The following CALN1 variants were observed in gnomAD, a reference collection of about 807,000 sequenced individuals.
CALN1 encodes calcium-binding protein 8.
Under a neutral mutation model 30.6 loss-of-function variants are expected in CALN1, and 17 were observed. The ratio of observed to expected loss-of-function variants is 0.56; its 90% CI spans 0.38 to 0.83. The LOEUF is 0.83. Among genes scored for constraint, CALN1 ranks in the 40% least tolerant of loss-of-function variants. The pLI is 0.00. For missense variants in CALN1, 291 were observed against 354.9 expected, an observed-to-expected ratio of 0.82 and a Z score of 1.45; for synonymous variants, 156 against 131.4, an observed-to-expected ratio of 1.19 and a Z score of -1.28.
the CALN1 span, among the ~76,000 whole-genome samples, chr7:72,463,112 T>A: frequency 6.8e-6 from 1 of 146,972 alleles, no homozygotes; most frequent in African/African-American, 2.7e-5. Context: ...ATGCTTTGCA[T>A]TTTTATTTAT....
intron 3 of CALN1, among the ~76,000 whole-genome samples, chr7:72,173,820 C>T (rs144682932): frequency 3.3e-4 from 50 of 151,630 alleles, no homozygotes; most frequent in African/African-American, 1.2e-3. Context: ...AATAGAAAAA[C>T]AAAAACTATA....
chr7:72,324,210 C>A (rs1040004855), intron 2 of CALN1, among the ~76,000 whole-genome samples: 3 of 151,930 alleles, frequency 2.0e-5, no homozygotes, highest in Non-Finnish European at 4.4e-5. Flanking sequence ...TTTAAGCCTC[C>A]CCAGAGAATT....
intron 4 of CALN1, among the ~76,000 whole-genome samples, chr7:72,057,280 G>T (rs765578091): frequency 6.6e-5 from 10 of 151,864 alleles, no homozygotes; most frequent in Non-Finnish European, 1.5e-4. Context: ...TACACAGTTT[G>T]CTGAGTCTTC....
intron 2 of CALN1, among the ~76,000 whole-genome samples, chr7:72,322,809 C>T (rs943033229): frequency 2.0e-5 from 3 of 151,856 alleles, no homozygotes; most frequent in African/African-American, 7.3e-5. Context: ...AATTTAAAAT[C>T]CCTTGTTCAT....
intron 2 of CALN1, among the ~76,000 whole-genome samples, chr7:72,296,019 T>G (rs1798829677): frequency 6.6e-6 from 1 of 152,086 alleles, no homozygotes; most frequent in Admixed American, 6.5e-5. Flanking sequence ...ATAGCTGTTA[T>G]TATTTTGAAA....
At chr7:72,075,672 G>C (rs1329150714) in intron 4 of CALN1, among the ~76,000 whole-genome samples, 4 of 152,172 alleles carry the variant, frequency 2.6e-5, no homozygotes, top group Admixed American at 6.5e-5. Context: ...CCCTGGCCCT[G>C]CTCAGCTCCA....
chr7:72,410,214 G>C (rs900168888), intron 1 of CALN1, among the ~76,000 whole-genome samples: 1 of 152,144 alleles, frequency 6.6e-6, no homozygotes. Context: ...TCTTAAATAT[G>C]TAAGAGAGGT....
intron 2 of CALN1, among the ~76,000 whole-genome samples, chr7:72,361,766 C>T (rs1240631327): frequency 6.6e-6 from 1 of 152,100 alleles, no homozygotes; most frequent in East Asian, 1.9e-4. Context: ...CTTGATCTTT[C>T]AGAGCAAAGG....
intron 2 of CALN1, among the ~76,000 whole-genome samples, chr7:72,296,741 A>C (rs1798892859): frequency 6.7e-6 from 1 of 148,252 alleles, no homozygotes; most frequent in African/African-American, 2.5e-5. Context: ...TGTCTATTTG[A>C]TTCTTCTCTC....
intron 2 of CALN1, chr7:72,337,018 G>C: frequency 2.0e-6 from 2 of 985,552 alleles, no homozygotes; most frequent in Non-Finnish European, 1.2e-6. Context: ...CTGGGGACGT[G>C]TGCCCCGCAC....
At chr7:71,925,900 C>CTGGA (rs1370434638) in intron 5 of CALN1, among the ~76,000 whole-genome samples, 2 of 152,100 alleles carry the variant, frequency 1.3e-5, no homozygotes, top group Non-Finnish European at 2.9e-5. Flanking sequence ...GCGGCCCAGG[C>CTGGA]TGGAGTGCAG....
intron 2 of CALN1, among the ~76,000 whole-genome samples, chr7:72,285,008 G>T (rs559899054): frequency 3.3e-5 from 5 of 152,062 alleles, no homozygotes; most frequent in Non-Finnish European, 1.5e-5. Flanking sequence ...GCAAAGCCCT[G>T]TGTGTTCTGC....
chr7:72,405,783 T>C (rs1458135956), intron 1 of CALN1, among the ~76,000 whole-genome samples: 1 of 152,204 alleles, frequency 6.6e-6, no homozygotes, highest in East Asian at 1.9e-4. Context: ...CCCAGCACCA[T>C]GGAAGTTGTG....
intron 3 of CALN1, among the ~76,000 whole-genome samples, chr7:72,245,708 A>C (rs1795117541): frequency 6.6e-6 from 1 of 152,198 alleles, no homozygotes; most frequent in Non-Finnish European, 1.5e-5. Context: ...CCCAGACATC[A>C]CACCATTGGC....
Position 72,181,124 on chromosome 7 carries a change from A to ATT in CALN1, c.245-74832_245-74831dup, listed in dbSNP as rs34674449. Reference sequence around the variant, plus strand: ...CCCCCCCCCCCCAAAAAAAAAAAAAATTTTTGGTACCCTATAAGCTTTTAC... The same window carrying ATT: ...CCCCCCCCCCCCAAAAAAAAAAAAAATTTTTTTGGTACCCTATAAGCTTTTAC... On this transcript the variant is annotated intron_variant, in intron 3 of 6. Coordinates refer to ENST00000395275, the MANE Select transcript of CALN1 (RefSeq NM_031468.4). Among the ~76,000 whole-genome samples, 67 of 119,524 alleles carry ATT rather than the reference A, an allele frequency of 5.6e-4. 1 individual carries two copies. The highest frequency in any genetic ancestry group is 4.0e-3 in the East Asian group (12 of 3,006). 78.4% of individuals were successfully genotyped at this position (119,524 alleles called of 152,430 possible). A position where few individuals can be genotyped will look rare whatever the true frequency, so the allele number is the denominator to read the frequency against.
At position 72,012,610 on chromosome 7, in the gene CALN1, T is replaced by C. The variant is rs371020250; in HGVS notation, c.501+11047A>G. On this transcript the variant is annotated intron_variant, in intron 5 of 6. Transcript: ENST00000395275. ...CCCAAAATATGAGTTTTCAGCATATTAACTGGACATAAGGCTGGTATGTGG... is the reference window on the plus strand; with the variant it reads ...CCCAAAATATGAGTTTTCAGCATATCAACTGGACATAAGGCTGGTATGTGG... Among the ~76,000 whole-genome samples the C allele has an allele frequency of 1.1e-4, 17 of 152,334 alleles. No homozygotes were observed. The East Asian group carries it at 3.1e-3, about 28-fold the overall frequency.
intron 2 of CALN1, among the ~76,000 whole-genome samples, chr7:72,380,596 T>C (rs1426989345): frequency 6.6e-6 from 1 of 152,164 alleles, no homozygotes; most frequent in Non-Finnish European, 1.5e-5. Flanking sequence ...TTCAGTTCCC[T>C]GCAAGCTTCA....
chr7:72,188,977 G>A (rs968119742), intron 3 of CALN1, among the ~76,000 whole-genome samples: 3 of 152,096 alleles, frequency 2.0e-5, no homozygotes, highest in Non-Finnish European at 2.9e-5. Flanking sequence ...TTCCTCCTAC[G>A]AGGACTCTCC....
chr7:72,288,616 T>G (rs556831378), intron 2 of CALN1, among the ~76,000 whole-genome samples: 1 of 152,256 alleles, frequency 6.6e-6, no homozygotes, highest in African/African-American at 2.4e-5. Flanking sequence ...ATTTCCCCGA[T>G]AGCCTTGCCA....
Sources: allele counts gnomAD v4.1 joint callset (sites outside exome capture counted in the v4.1 genomes callset), GRCh38; gene constraint gnomAD v4.1.1; transcripts MANE v1.5; gene names NCBI Gene and HGNC (gene_info 2026-07-23, HGNC 2026-07-21).